SGCZ: variants seen among roughly 807,000 people sequenced by gnomAD.
SGCZ encodes zeta-sarcoglycan.
Under a neutral mutation model 41.3 loss-of-function variants are expected in SGCZ, and 40 were observed. The observed-to-expected ratio is 0.97, with a 90% CI of 0.75 to 1.26. SGCZ has a LOEUF of 1.26. Ranked by LOEUF, SGCZ falls within the 50% of genes most tolerant of loss-of-function variation. The pLI is 0.00. For synonymous variants in SGCZ, 206 were observed against 137.5 expected, an observed-to-expected ratio of 1.50 and a Z score of -3.49; for missense variants, 552 against 369.8, an observed-to-expected ratio of 1.49 and a Z score of -4.04.
At chr8:14,344,665 T>C (rs1015022882) in intron 2 of SGCZ, among the ~76,000 whole-genome samples, 9 of 152,242 alleles carry the variant, frequency 5.9e-5, no homozygotes, top group Middle Eastern at 3.4e-3. Flanking sequence ...TGAATATGTA[T>C]GCAGAAAATG....
At chr8:14,872,102 A>T (rs1217741616) in intron 1 of SGCZ, among the ~76,000 whole-genome samples, 1 of 151,962 alleles carries the variant, frequency 6.6e-6, no homozygotes, top group African/African-American at 2.4e-5. Context: ...CTCACTAATA[A>T]GTGGGAGTTG....
At chr8:15,040,505 T>G (rs1013606992) in intron 1 of SGCZ, among the ~76,000 whole-genome samples, 1 of 152,068 alleles carries the variant, frequency 6.6e-6, no homozygotes, top group Non-Finnish European at 1.5e-5. Context: ...TAATCCCAGC[T>G]ACTCGGGAGG....
chr8:14,214,954 A>G (rs1411418699), intron 4 of SGCZ, among the ~76,000 whole-genome samples: 1 of 152,172 alleles, frequency 6.6e-6, no homozygotes, highest in African/African-American at 2.4e-5. Context: ...AGCAATTAAG[A>G]TGATTAGGGG....
chr8:15,183,084 T>C (rs1359038905), intron 1 of SGCZ, among the ~76,000 whole-genome samples: 3 of 152,202 alleles, frequency 2.0e-5, no homozygotes, highest in Non-Finnish European at 4.4e-5. Context: ...GGCATGGAGC[T>C]GTCATCTCCT....
intron 1 of SGCZ, among the ~76,000 whole-genome samples, chr8:14,889,099 A>G (rs932954824): frequency 3.3e-5 from 5 of 152,164 alleles, no homozygotes; most frequent in African/African-American, 9.7e-5. Context: ...ATACTCCTGG[A>G]ATCTAACATA....
chr8:15,120,225 C>A (rs1321528034), intron 1 of SGCZ, among the ~76,000 whole-genome samples: 1 of 152,168 alleles, frequency 6.6e-6, no homozygotes, highest in African/African-American at 2.4e-5. Flanking sequence ...TTTAAAAACT[C>A]CTACAGTTTT....
chr8:14,157,336 C>CTGTGTGTG (rs71209015), intron 5 of SGCZ, among the ~76,000 whole-genome samples: 1 of 138,902 alleles, frequency 7.2e-6, no homozygotes, highest in African/African-American at 2.7e-5. Context: ...ATATATGCCT[C>CTGTGTGTG]TGTGTGTGTG....
At chr8:14,658,838 T>A (rs1381091610) in intron 1 of SGCZ, among the ~76,000 whole-genome samples, 1 of 150,974 alleles carries the variant, frequency 6.6e-6, no homozygotes, top group Non-Finnish European at 1.5e-5. Flanking sequence ...GAGCAGATGC[T>A]TAATAAACAT....
At chr8:14,684,795 A>G (rs558873100) in intron 1 of SGCZ, among the ~76,000 whole-genome samples, 83 of 152,194 alleles carry the variant, frequency 5.5e-4, no homozygotes, top group Non-Finnish European at 7.6e-4. Flanking sequence ...AAAATCTACA[A>G]TGCTTCATAA....
At chr8:14,521,739 A>G (rs1381431165) in intron 2 of SGCZ, among the ~76,000 whole-genome samples, 1 of 152,130 alleles carries the variant, frequency 6.6e-6, no homozygotes, top group Non-Finnish European at 1.5e-5. Context: ...ATCAATTTAG[A>G]ACGGCTGTTC....
intron 1 of SGCZ, among the ~76,000 whole-genome samples, chr8:14,749,029 T>A (rs867397713): frequency 5.3e-5 from 8 of 152,060 alleles, no homozygotes; most frequent in Admixed American, 3.3e-4. Context: ...AAAAATAAGG[T>A]TGACTAATTT....
At chr8:15,029,823 C>G (rs1369948931) in intron 1 of SGCZ, among the ~76,000 whole-genome samples, 1 of 152,056 alleles carries the variant, frequency 6.6e-6, no homozygotes, top group Non-Finnish European at 1.5e-5. Context: ...TATTATCATG[C>G]CTTCTGAAAA....
intron 1 of SGCZ, among the ~76,000 whole-genome samples, chr8:14,599,645 A>G (rs1211356596): frequency 5.3e-5 from 8 of 152,176 alleles, no homozygotes; most frequent in Non-Finnish European, 1.5e-5. Flanking sequence ...CTAAATCTGA[A>G]GACGCATATT....
At chr8:14,336,745 T>C (rs1050552831) in intron 2 of SGCZ, among the ~76,000 whole-genome samples, 3 of 152,182 alleles carry the variant, frequency 2.0e-5, no homozygotes, top group Non-Finnish European at 4.4e-5. Context: ...TACTGTTTTC[T>C]GGATTTCACA....
intron 4 of SGCZ, among the ~76,000 whole-genome samples, chr8:14,179,307 G>A (rs1167916408): frequency 6.6e-6 from 1 of 152,192 alleles, no homozygotes; most frequent in Admixed American, 6.5e-5. Flanking sequence ...TTGCTCAATT[G>A]TTAAAACAAG....
intron 1 of SGCZ, among the ~76,000 whole-genome samples, chr8:14,801,709 A>G (rs1801326315): frequency 6.6e-6 from 1 of 152,216 alleles, no homozygotes; most frequent in African/African-American, 2.4e-5. Context: ...AAAACTTGCT[A>G]GAAGGATCAA....
chr8:14,875,834 C>T (rs1804338379), intron 1 of SGCZ, among the ~76,000 whole-genome samples: 1 of 152,002 alleles, frequency 6.6e-6, no homozygotes, highest in Non-Finnish European at 1.5e-5. Flanking sequence ...CACATCTGGG[C>T]CACAATTTAG....
Position 14,867,646 on chromosome 8 carries a change from C to A in SGCZ, c.40-312720G>T, listed in dbSNP as rs768115113. ...TTGACTGTTTAATATGAGCCATTAT[C>A]CTTAGCAAACTAACACAGGAACAGA... On this transcript the variant is annotated intron_variant, in intron 1 of 7. Coordinates refer to ENST00000382080, the MANE Select transcript of SGCZ (RefSeq NM_139167.4). Among the ~76,000 whole-genome samples the A allele has an allele frequency of 3.2e-4, 48 of 151,942 alleles. 1 individual carries two copies. Among genetic ancestry groups the A allele is most frequent in the Non-Finnish European group, 5.4e-4 (37 of 67,942 alleles).
chr8:14,345,296 A>G (rs938073344), intron 2 of SGCZ, among the ~76,000 whole-genome samples: 3 of 152,136 alleles, frequency 2.0e-5, no homozygotes, highest in African/African-American at 4.8e-5. Flanking sequence ...TAAGAATGTG[A>G]AACACGTGGA....
Sources: allele counts gnomAD v4.1 joint callset (sites outside exome capture counted in the v4.1 genomes callset), GRCh38; gene constraint gnomAD v4.1.1; transcripts MANE v1.5; gene names NCBI Gene and HGNC (gene_info 2026-07-23, HGNC 2026-07-21).